OR3A3: variants seen among roughly 807,000 people sequenced by gnomAD.
OR3A3 encodes the protein olfactory receptor 3A3.
For missense variants in OR3A3, 275 were observed against 391.4 expected (o/e 0.70, Z 2.51); for synonymous variants, 103 against 163.9 (o/e 0.63, Z 2.84).
At chr17:3,420,445 G>A in intron 2 of OR3A3, 135 bp from the exon 3 acceptor site, 1 of 1,445,524 alleles carries the variant, frequency 6.9e-7, no homozygotes, top group Non-Finnish European at 9.3e-7. Flanking sequence ...CCAAGAGCAA[G>A]GTAAAGGCAT....
chr17:3,413,849 A>AAACAAAC (rs1555532364), intron 2 of OR3A3, among the ~76,000 whole-genome samples: 12 of 150,764 alleles, frequency 8.0e-5, no homozygotes, highest in Non-Finnish European at 1.2e-4. Flanking sequence ...AAAAAACAAA[A>AAACAAAC]AAAAAAAACT....
intron 2 of OR3A3, among the ~76,000 whole-genome samples, chr17:3,414,729 G>A (rs920596532): frequency 2.0e-5 from 3 of 152,122 alleles, no homozygotes; most frequent in African/African-American, 4.8e-5. Context: ...GAATTTGGTT[G>A]ACAGGAAGTA....
Position 3,421,439 on chromosome 17 carries a change from AC to A in OR3A3, c.858del (p.Met287CysfsTer2). 1 of 1,605,130 alleles carries A rather than the reference AC, an allele frequency of 6.2e-7. No individual in the cohort carries two copies. The highest frequency in any genetic ancestry group is 8.5e-7 in the Non-Finnish European group (1 of 1,174,608). ...GTTGGGGTTTTCATGACTGTGATCAACCCCATGCTGAACCCACTTATCTACA... is the reference window on the plus strand; with the variant it reads ...GTTGGGGTTTTCATGACTGTGATCAACCCATGCTGAACCCACTTATCTACA... On this transcript the variant is annotated frameshift_variant, in exon 3 of 3. Transcript: ENST00000641141. LOFTEE classifies it high-confidence loss of function.
intron 2 of OR3A3, among the ~76,000 whole-genome samples, chr17:3,415,658 A>G (rs1336181206): frequency 1.3e-5 from 2 of 150,698 alleles, no homozygotes; most frequent in Admixed American, 6.6e-5. Context: ...TTTCAGAACA[A>G]TGTTAAATAA....
chr17:3,420,270 A>G (rs1597376313), intron 2 of OR3A3, among the ~76,000 whole-genome samples: 1 of 152,310 alleles, frequency 6.6e-6, no homozygotes, highest in Admixed American at 6.5e-5. Context: ...GAGCAACTAT[A>G]ATCTACTCAT....
rs143586826 is a variant in OR3A3, at chr17:3,419,957, C to T, written c.-6-623C>T. ...ATTTTTTTTGTATTTTTAGTAGAGA[C>T]GGGGTTTCGCTGTGTTAGCCAGGAT... On this transcript the variant is annotated intron_variant, in intron 2 of 2. Coordinates refer to ENST00000641141, the Ensembl canonical transcript of OR3A3. 5.8e-3 allele frequency among the ~76,000 whole-genome samples: 875 copies of T among 151,956 alleles called. 2 individuals are homozygous for T. Among genetic ancestry groups the T allele is most frequent in the Non-Finnish European group, 9.5e-3 (645 of 67,914 alleles).
chr17:3,418,332 G>A (rs2150681367), intron 2 of OR3A3, among the ~76,000 whole-genome samples: 1 of 152,230 alleles, frequency 6.6e-6, no homozygotes, highest in Middle Eastern at 3.4e-3. Context: ...TTTTGCTGGG[G>A]ACAGGTGCAT....
chr17:3,413,076 T>C (rs1476265679), intron 2 of OR3A3, among the ~76,000 whole-genome samples: 2 of 152,226 alleles, frequency 1.3e-5, no homozygotes. Context: ...ATCAAACATG[T>C]TTTGTCCTCG....
chr17:3,413,291 C>T lies in OR3A3; in HGVS notation c.-7+1120C>T, dbSNP rs879350732. On this transcript the variant is annotated intron_variant, in intron 2 of 2. Transcript: ENST00000641141. ...ATCCTTTTGAGATGGGAAAGTTTCA[C>T]GGAAAGATGAGTTCAGCAGCCAGCA... 2.0e-5 allele frequency among the ~76,000 whole-genome samples: 3 copies of T among 151,996 alleles called. No homozygotes were observed. The South Asian group carries it at 6.2e-4, about 31-fold the overall frequency.
exon 3 of OR3A3, chr17:3,422,882 A>G (rs2072445073): frequency 6.6e-6 from 1 of 152,330 alleles, no homozygotes; most frequent in African/African-American, 2.4e-5. Flanking sequence ...AAATGAGCAT[A>G]TCGAGAGGGA....
chr17:3,417,615 G>C (rs1478127940), intron 2 of OR3A3, among the ~76,000 whole-genome samples: 1 of 152,076 alleles, frequency 6.6e-6, no homozygotes, highest in African/African-American at 2.4e-5. Flanking sequence ...GAGTTTTTGA[G>C]TGTCCAAAAA....
chr17:3,420,879 C>A, exon 3 of OR3A3: 2 of 1,569,700 alleles, frequency 1.3e-6, no homozygotes, highest in Non-Finnish European at 1.7e-6. Flanking sequence ...TTTCCTATGA[C>A]GCCTGCCTCT....
chr17:3,412,718 G>A (rs948274650), intron 2 of OR3A3, among the ~76,000 whole-genome samples: 1 of 151,896 alleles, frequency 6.6e-6, no homozygotes, highest in Non-Finnish European at 1.5e-5. Flanking sequence ...TTCTACCCCT[G>A]ACCATGACTT....
At chr17:3,412,528 C>T (rs1394030766) in intron 2 of OR3A3, among the ~76,000 whole-genome samples, 3 of 148,132 alleles carry the variant, frequency 2.0e-5, no homozygotes, top group Non-Finnish European at 4.5e-5. Flanking sequence ...GGAGCTGTCA[C>T]AGCTCGTAAG....
At chr17:3,416,714 A>G (rs1311174719) in intron 2 of OR3A3, among the ~76,000 whole-genome samples, 1 of 152,136 alleles carries the variant, frequency 6.6e-6, no homozygotes, top group Non-Finnish European at 1.5e-5. Flanking sequence ...GAAATATAAT[A>G]GTTGTATATA....
chr17:3,414,616 C>A (rs2072380364), intron 2 of OR3A3, among the ~76,000 whole-genome samples: 1 of 152,208 alleles, frequency 6.6e-6, no homozygotes, highest in African/African-American at 2.4e-5. Context: ...TCAGAGACCA[C>A]TGGACACATT....
intron 2 of OR3A3, among the ~76,000 whole-genome samples, chr17:3,413,633 T>G (rs1432717916): frequency 6.6e-6 from 1 of 151,868 alleles, no homozygotes; most frequent in African/African-American, 2.4e-5. Context: ...GTCAACATGG[T>G]GAAACCCTGT....
chr17:3,418,821 C>A (rs1431752932), intron 2 of OR3A3, among the ~76,000 whole-genome samples: 1 of 152,212 alleles, frequency 6.6e-6, no homozygotes, highest in Non-Finnish European at 1.5e-5. Context: ...TCAAGCCCTA[C>A]TTGTCTCTAG....
rs540796639 is a variant in OR3A3, at chr17:3,419,599, T to C, written c.-6-981T>C. Among the ~76,000 whole-genome samples, 14 of 152,280 alleles carry C rather than the reference T, an allele frequency of 9.2e-5. No homozygotes were observed. In the South Asian group the frequency reaches 2.9e-3, roughly 32 times the overall value. ...TGATTTAATCATTTTACAAAGCATA[T>C]GCCAATCAATATCACACTGTACCCC... On this transcript the variant is annotated intron_variant, in intron 2 of 2. Coordinates refer to ENST00000641141, the Ensembl canonical transcript of OR3A3.
Sources: allele counts gnomAD v4.1 joint callset (sites outside exome capture counted in the v4.1 genomes callset), GRCh38; gene constraint gnomAD v4.1.1; transcripts MANE v1.5; gene names NCBI Gene and HGNC (gene_info 2026-07-23, HGNC 2026-07-21).